Variants in GFRA1 observed in about 807,000 individuals in gnomAD.
GFRA1 encodes GDNF family receptor alpha-1.
In GFRA1, 16 loss-of-function variants were observed where a neutral mutation model predicts 51.6. The observed-to-expected ratio is 0.31, with a 90% CI of 0.21 to 0.47. The LOEUF (loss-of-function observed/expected upper bound fraction) is 0.47. Among genes scored for constraint, GFRA1 ranks in the 20% least tolerant of loss-of-function variants. The pLI, the probability that GFRA1 is intolerant of heterozygous loss-of-function variation, is 1.00. For synonymous variants in GFRA1, 270 were observed against 241.3 expected (o/e 1.12, Z -1.10); for missense variants, 530 against 594.3 (o/e 0.89, Z 1.13).
chr10:116,179,777 G>A (rs1182168273), intron 5 of GFRA1, among the ~76,000 whole-genome samples: 1 of 152,198 alleles, frequency 6.6e-6, no homozygotes. Context: ...GAGGTGAACT[G>A]TCCCATTCTT....
intron 3 of GFRA1, 101 bp downstream of exon 3, chr10:116,270,721 G>A: frequency 1.1e-6 from 1 of 952,048 alleles, no homozygotes; most frequent in Non-Finnish European, 1.6e-6. Context: ...TCTGCAGCTG[G>A]GGAGAAGTGA....
chr10:116,164,720 T>A (rs1960196741), intron 5 of GFRA1, among the ~76,000 whole-genome samples: 1 of 152,204 alleles, frequency 6.6e-6, no homozygotes, highest in Non-Finnish European at 1.5e-5. Flanking sequence ...AAGTCACACA[T>A]GATTTGCACT....
At chr10:116,124,778 A>G (rs1296238175) in intron 6 of GFRA1, among the ~76,000 whole-genome samples, 3 of 152,276 alleles carry the variant, frequency 2.0e-5, no homozygotes, top group African/African-American at 7.2e-5. Flanking sequence ...GACACTGCTC[A>G]GTCCCTCTCA....
In GFRA1 at chr10:116,096,740, G is replaced by A. The variant is rs1476373131; in HGVS notation, c.795C>T (p.Thr265=). 1.3e-6 allele frequency: 2 copies of A among 1,598,990 alleles called. No individual in the cohort carries two copies. The highest frequency in any genetic ancestry group is 1.7e-6 in the Non-Finnish European group (2 of 1,173,200). ...CAGACCTTGACTCTGGCTGGCAGTT[G>A]GTAAAAAAATCCGCAAGGCGAGATC... is the stretch of plus-strand genomic sequence containing the variant. ...ICRSRLADFF[T]NCQPESRSVS... The change falls in exon 7 of 11, where the codon ACC becomes ACT. Residue 265 remains threonine, a synonymous_variant. Coordinates refer to ENST00000355422, the MANE Select transcript of GFRA1 (RefSeq NM_005264.8).
chr10:116,211,497 C>A, intron 5 of GFRA1, 134 bp downstream of exon 5: 1 of 797,814 alleles, frequency 1.3e-6, no homozygotes, highest in Non-Finnish European at 2.1e-6. Context: ...CCACTGTCCT[C>A]ATGGTGTCCC....
intron 5 of GFRA1, among the ~76,000 whole-genome samples, chr10:116,163,306 C>G: frequency 6.6e-6 from 1 of 152,180 alleles, no homozygotes; most frequent in East Asian, 1.9e-4. Context: ...CTGTCCACAC[C>G]AAGTGCCCAC....
chr10:116,077,323 T>C (rs967295168), intron 9 of GFRA1, among the ~76,000 whole-genome samples: 9 of 152,196 alleles, frequency 5.9e-5, no homozygotes, highest in African/African-American at 1.7e-4. Flanking sequence ...TCTGGCTACA[T>C]TGTTGCTGAG....
chr10:116,253,952 T>A (rs1968597996), intron 4 of GFRA1, among the ~76,000 whole-genome samples: 1 of 152,158 alleles, frequency 6.6e-6, no homozygotes, highest in Admixed American at 6.5e-5. Context: ...TTTGGTTTCC[T>A]CTTATGCAAA....
chr10:116,211,712 T>G, intron 4 of GFRA1, 67 bp from the exon 5 acceptor site: 13 of 1,248,800 alleles, frequency 1.0e-5, no homozygotes, highest in Non-Finnish European at 1.5e-5. Context: ...ATATTAATAA[T>G]AATGTTGAAA....
At chr10:116,090,126 C>A (rs1956272778) in intron 8 of GFRA1, among the ~76,000 whole-genome samples, 2 of 152,062 alleles carry the variant, frequency 1.3e-5, no homozygotes, top group African/African-American at 4.8e-5. Flanking sequence ...GTCATTACAC[C>A]CTGAGCTGGA....
intron 9 of GFRA1, among the ~76,000 whole-genome samples, chr10:116,078,029 TATG>T (rs1274300665): frequency 6.6e-6 from 1 of 152,228 alleles, no homozygotes; most frequent in Non-Finnish European, 1.5e-5. Context: ...CACTTACATG[TATG>T]ATACCTAGGA....
At chr10:116,198,970 AG>A (rs1964115862) in intron 5 of GFRA1, among the ~76,000 whole-genome samples, 1 of 152,190 alleles carries the variant, frequency 6.6e-6, no homozygotes, top group Non-Finnish European at 1.5e-5. Flanking sequence ...AGACATACAG[AG>A]ACAAAGACCA....
intron 6 of GFRA1, among the ~76,000 whole-genome samples, chr10:116,097,083 T>C (rs577071618): frequency 3.8e-4 from 58 of 152,256 alleles, no homozygotes; most frequent in African/African-American, 1.3e-3. Flanking sequence ...TCAATATTTA[T>C]TTCTGACTAG....
At chr10:116,161,601 T>TCC (rs1959802265) in intron 5 of GFRA1, among the ~76,000 whole-genome samples, 2 of 152,160 alleles carry the variant, frequency 1.3e-5, no homozygotes. Context: ...GGGAGCAGTT[T>TCC]CCCCCATACT....
intron 5 of GFRA1, among the ~76,000 whole-genome samples, chr10:116,204,448 G>C (rs1044415891): frequency 6.6e-6 from 1 of 152,230 alleles, no homozygotes; most frequent in African/African-American, 2.4e-5. Flanking sequence ...CTAACACCCA[G>C]ATCTTGGTTT....
At chr10:116,270,636 A>G (rs1843829738) in intron 3 of GFRA1, among the ~76,000 whole-genome samples, 186 bp downstream of exon 3, 2 of 152,154 alleles carry the variant, frequency 1.3e-5, no homozygotes. Context: ...TTTTCCAACA[A>G]CAGGCCCAAC....
chr10:116,219,549 C>T (rs928162255), intron 4 of GFRA1, among the ~76,000 whole-genome samples: 3 of 152,036 alleles, frequency 2.0e-5, no homozygotes, highest in Non-Finnish European at 2.9e-5. Context: ...TGAAAAGAGC[C>T]GCATACATGA....
rs554385153 is a variant in GFRA1, at chr10:116,261,752, G to A, written c.418+7751C>T. 4.6e-5 allele frequency among the ~76,000 whole-genome samples: 7 copies of A among 152,186 alleles called. No homozygotes were observed. In the East Asian group the frequency reaches 5.8e-4, roughly 13 times the overall value. Reference sequence around the variant, plus strand: ...AATAACTATGTAAGATTCAATATACGGGCCCTTCAAAAAGGAAGGAAAATA... The same window carrying A: ...AATAACTATGTAAGATTCAATATACAGGCCCTTCAAAAAGGAAGGAAAATA... On this transcript the variant is annotated intron_variant, in intron 4 of 10. Coordinates refer to ENST00000355422, the MANE Select transcript of GFRA1 (RefSeq NM_005264.8).
At chr10:116,137,306 T>C (rs1958368822) in intron 5 of GFRA1, among the ~76,000 whole-genome samples, 1 of 152,182 alleles carries the variant, frequency 6.6e-6, no homozygotes, top group Non-Finnish European at 1.5e-5. Flanking sequence ...GCCTAGATGA[T>C]GCTGAGATAA....
Sources: allele counts gnomAD v4.1 joint callset (sites outside exome capture counted in the v4.1 genomes callset), GRCh38; gene constraint gnomAD v4.1.1; transcripts MANE v1.5; gene names NCBI Gene and HGNC (gene_info 2026-07-23, HGNC 2026-07-21).